SNW1: variants seen among roughly 807,000 people sequenced by gnomAD.
SNW1 encodes SNW domain-containing protein 1.
SNW1 carries 9 observed loss-of-function variants against 75.6 expected under a neutral mutation model. That is an observed-to-expected ratio of 0.12 (90% CI 0.07 to 0.21). The LOEUF (loss-of-function observed/expected upper bound fraction) is 0.21. Among genes scored for constraint, SNW1 ranks in the 10% least tolerant of loss-of-function variants. The probability of loss-of-function intolerance (pLI) is 1.00; values close to 1 mark genes in which losing one functional copy is unlikely to be tolerated. For synonymous variants in SNW1, 200 were observed against 219.1 expected (o/e 0.91, Z 0.77); for missense variants, 409 against 670.9 (o/e 0.61, Z 4.31).
chr14:77,728,862 A>G (rs1244555704), intron 10 of SNW1, among the ~76,000 whole-genome samples: 1 of 152,212 alleles, frequency 6.6e-6, no homozygotes, highest in Non-Finnish European at 1.5e-5. Context: ...GCCCACCATA[A>G]GAAGCACCTG....
At position 77,717,986 on chromosome 14, in the gene SNW1, C is replaced by T. The variant is rs572442628; in HGVS notation, c.*102G>A. On this transcript the variant is annotated 3_prime_UTR_variant, in exon 14 of 14. Coordinates refer to ENST00000261531, the MANE Select transcript of SNW1 (RefSeq NM_012245.3). ...AAAAGTAGTGCTGGGATCTGGCACC[C>T]AGATTTGGTTTTTATCCTGACCATT... The T allele has an allele frequency of 2.4e-5, 25 of 1,046,518 alleles. No individual in the cohort carries two copies. The highest frequency in any genetic ancestry group is 2.2e-4 in the African/African-American group (14 of 62,962). The allele number at this position is 1,046,518 out of a possible 1,614,324, so 64.8% of individuals were successfully genotyped here. A position where few individuals can be genotyped will look rare whatever the true frequency, so the allele number is the denominator to read the frequency against.
chr14:77,754,885 C>G, intron 2 of SNW1, 82 bp downstream of exon 2: 2 of 1,248,476 alleles, frequency 1.6e-6, no homozygotes, highest in Non-Finnish European at 2.2e-6. Context: ...ATCAGAGGTT[C>G]TAACATTTAA....
At chr14:77,728,051 T>TA (rs60328090) in intron 10 of SNW1, among the ~76,000 whole-genome samples, 70,680 of 143,738 alleles carry the variant, frequency 0.49, 17,288 homozygotes, top group East Asian at 0.67. Flanking sequence ...TGTTAATTGT[T>TA]AAAAAAAAAA....
At chr14:77,736,385 T>A (rs1228572032) in intron 6 of SNW1, among the ~76,000 whole-genome samples, 3 of 151,900 alleles carry the variant, frequency 2.0e-5, no homozygotes, top group African/African-American at 4.8e-5. Flanking sequence ...CTGTCTCTAC[T>A]AAAAATACAA....
Position 77,751,841 on chromosome 14 carries a change from CACACCACA to C in SNW1, c.169-369_169-362del, listed in dbSNP as rs769919843. ...ACACACACACACACACACACACACA[CACACCACA>C]CACACACACACACAAAGCATTTTCT... On this transcript the variant is annotated intron_variant, in intron 2 of 13. Transcript: ENST00000261531. Among the ~76,000 whole-genome samples, 174 of 120,934 alleles carry C rather than the reference CACACCACA, an allele frequency of 1.4e-3. 1 individual carries two copies. The highest frequency in any genetic ancestry group is 0.011 in the East Asian group (40 of 3,732). The allele number at this position is 120,934 out of a possible 152,430, so 79.3% of individuals were successfully genotyped here.
chr14:77,726,501 C>T (rs2139898075), intron 10 of SNW1, among the ~76,000 whole-genome samples: 1 of 152,064 alleles, frequency 6.6e-6, no homozygotes, highest in South Asian at 2.1e-4. Context: ...TTCTTTGTGG[C>T]GATCTTTCAC....
chr14:77,757,307 A>C (rs78524259), intron 1 of SNW1, among the ~76,000 whole-genome samples: 1,528 of 152,312 alleles, frequency 0.01, 30 homozygotes, highest in African/African-American at 0.035. Flanking sequence ...GACAGTCTAC[A>C]TGAGAGGGAT....
At chr14:77,744,956 A>C (rs1272916652) in intron 3 of SNW1, among the ~76,000 whole-genome samples, 1 of 152,172 alleles carries the variant, frequency 6.6e-6, no homozygotes, top group Non-Finnish European at 1.5e-5. Flanking sequence ...ACACTTCCTC[A>C]CTGGCTTCAG....
chr14:77,735,217 A>C (rs2080661175), intron 7 of SNW1, among the ~76,000 whole-genome samples: 1 of 152,226 alleles, frequency 6.6e-6, no homozygotes, highest in Admixed American at 6.5e-5. Flanking sequence ...AATGGAAAAT[A>C]ATCTAGAAAT....
chr14:77,744,737 C>T, intron 3 of SNW1, among the ~76,000 whole-genome samples: 1 of 152,108 alleles, frequency 6.6e-6, no homozygotes, highest in Non-Finnish European at 1.5e-5. Context: ...CTGCCAATGC[C>T]AAATTGTTGC....
intron 11 of SNW1, chr14:77,721,033 C>T (rs574919380): frequency 1.7e-4 from 91 of 538,846 alleles, no homozygotes; most frequent in Admixed American, 1.3e-3. Context: ...ACAATTAGGA[C>T]GTCCTGTTAG....
intron 3 of SNW1, among the ~76,000 whole-genome samples, chr14:77,749,005 G>C (rs994834761): frequency 5.3e-5 from 8 of 152,120 alleles, no homozygotes; most frequent in Non-Finnish European, 1.0e-4. Context: ...AGAAATAGCA[G>C]GTAGATTAAG....
intron 7 of SNW1, among the ~76,000 whole-genome samples, 162 bp from the exon 8 acceptor site, chr14:77,735,174 T>C (rs1387996414): frequency 6.6e-6 from 1 of 152,254 alleles, no homozygotes; most frequent in Non-Finnish European, 1.5e-5. Flanking sequence ...GTTTACCATA[T>C]AATTCTAGTA....
At chr14:77,756,368 A>T (rs1221731503) in intron 1 of SNW1, among the ~76,000 whole-genome samples, 1 of 152,018 alleles carries the variant, frequency 6.6e-6, no homozygotes, top group Non-Finnish European at 1.5e-5. Flanking sequence ...ACCTCAAGTG[A>T]TCCATCAGCC....
chr14:77,734,497 T>C (rs1282801355), intron 8 of SNW1, among the ~76,000 whole-genome samples: 2 of 152,234 alleles, frequency 1.3e-5, no homozygotes, highest in Non-Finnish European at 2.9e-5. Flanking sequence ...CTAAGCCCTT[T>C]GGGTGGCCGA....
chr14:77,751,805 G>GACAC (rs61135876), intron 2 of SNW1, among the ~76,000 whole-genome samples: 4,321 of 139,438 alleles, frequency 0.031, 116 homozygotes, highest in Admixed American at 0.06. Flanking sequence ...GTCATGGGAA[G>GACAC]ACACACACAC....
At chr14:77,743,612 T>G (rs2080736043) in intron 3 of SNW1, among the ~76,000 whole-genome samples, 1 of 152,200 alleles carries the variant, frequency 6.6e-6, no homozygotes, top group Non-Finnish European at 1.5e-5. Context: ...AATCCTATTT[T>G]ATATATTATG....
intron 3 of SNW1, among the ~76,000 whole-genome samples, chr14:77,747,454 TCC>T (rs2080770085): frequency 8.2e-6 from 1 of 122,668 alleles, no homozygotes; most frequent in Non-Finnish European, 1.7e-5. Flanking sequence ...CCGGCCGCCA[TCC>T]CGTCTAGGAA....
intron 12 of SNW1, 158 bp downstream of exon 12, chr14:77,720,553 A>C: frequency 1.3e-6 from 1 of 769,174 alleles, no homozygotes; most frequent in East Asian, 2.4e-5. Flanking sequence ...AGTTAAAATC[A>C]GAACTGTTTC....
Sources: allele counts gnomAD v4.1 joint callset (sites outside exome capture counted in the v4.1 genomes callset), GRCh38; gene constraint gnomAD v4.1.1; transcripts MANE v1.5; gene names NCBI Gene and HGNC (gene_info 2026-07-23, HGNC 2026-07-21).